MACROD2: variants seen among roughly 807,000 people sequenced by gnomAD.
MACROD2 encodes mono-ADP ribosylhydrolase 2, also known as ADP-ribose glycohydrolase MACROD2.
MACROD2 carries 36 observed loss-of-function variants against 70.4 expected under a neutral mutation model. The ratio of observed to expected loss-of-function variants is 0.51; its 90% CI spans 0.39 to 0.68. The LOEUF is 0.68. MACROD2 is among the 30% of genes least tolerant of loss of function. The pLI, the probability that MACROD2 is intolerant of heterozygous loss-of-function variation, is 0.00. For missense variants in MACROD2, 496 were observed against 538.4 expected (o/e 0.92, Z 0.78); for synonymous variants, 172 against 178.8 (o/e 0.96, Z 0.30).
intron 4 of MACROD2, among the ~76,000 whole-genome samples, chr20:14,619,337 AAGAG>A (rs1346774639): frequency 1.4e-5 from 2 of 147,436 alleles, no homozygotes; most frequent in Non-Finnish European, 3.0e-5. Context: ...AGAAGAAAGA[AAGAG>A]AGAGGAAGAA....
chr20:15,978,621 T>C (rs2066349106), intron 13 of MACROD2, among the ~76,000 whole-genome samples: 1 of 151,118 alleles, frequency 6.6e-6, no homozygotes, highest in Admixed American at 6.6e-5. Context: ...TCTCTCGTTC[T>C]TTCTCTCAGC....
At chr20:15,713,731 A>T (rs981037112) in intron 8 of MACROD2, among the ~76,000 whole-genome samples, 9 of 152,104 alleles carry the variant, frequency 5.9e-5, no homozygotes, top group Non-Finnish European at 7.4e-5. Context: ...TTGGGTGGGG[A>T]CACAGAGCCA....
At chr20:15,865,882 G>A (rs1466994639) in intron 9 of MACROD2, among the ~76,000 whole-genome samples, 2 of 152,118 alleles carry the variant, frequency 1.3e-5, no homozygotes, top group Non-Finnish European at 2.9e-5. Flanking sequence ...TTTCCCATGG[G>A]GGTTGTGGAT....
chr20:15,993,925 A>G (rs2066593715), intron 15 of MACROD2, among the ~76,000 whole-genome samples: 1 of 152,174 alleles, frequency 6.6e-6, no homozygotes, highest in South Asian at 2.1e-4. Flanking sequence ...ATACACCCTC[A>G]TAGAACCAGA....
intron 8 of MACROD2, among the ~76,000 whole-genome samples, chr20:15,799,277 A>G (rs1243656002): frequency 6.6e-6 from 1 of 152,220 alleles, no homozygotes; most frequent in Non-Finnish European, 1.5e-5. Context: ...TCAAGCGTTT[A>G]TCATTTATTT....
At chr20:15,549,730 A>G (rs2048070680) in intron 8 of MACROD2, among the ~76,000 whole-genome samples, 1 of 152,164 alleles carries the variant, frequency 6.6e-6, no homozygotes. Context: ...TAATCGAAGC[A>G]GCTTCCTCTT....
chr20:15,422,964 C>T (rs964983471), intron 6 of MACROD2, among the ~76,000 whole-genome samples: 6 of 152,132 alleles, frequency 3.9e-5, no homozygotes, highest in Non-Finnish European at 5.9e-5. Context: ...ATTTACATTC[C>T]ATCTTCTGGT....
At chr20:14,593,068 AG>A (rs942268303) in intron 4 of MACROD2, among the ~76,000 whole-genome samples, 21 of 152,238 alleles carry the variant, frequency 1.4e-4, no homozygotes, top group African/African-American at 4.8e-4. Context: ...GGTAAAATGT[AG>A]GTACATCTTG....
chr20:14,132,923 G>A (rs1388831465), intron 3 of MACROD2, among the ~76,000 whole-genome samples: 1 of 152,194 alleles, frequency 6.6e-6, no homozygotes, highest in African/African-American at 2.4e-5. Context: ...TTATAGGCAT[G>A]AGCCACTGCA....
chr20:14,693,023 A>G (rs547327088), intron 5 of MACROD2, among the ~76,000 whole-genome samples: 4 of 152,348 alleles, frequency 2.6e-5, no homozygotes, highest in Non-Finnish European at 4.4e-5. Flanking sequence ...ATTATTTGCC[A>G]TCATAGCAAG....
intron 5 of MACROD2, among the ~76,000 whole-genome samples, chr20:14,885,994 T>C (rs937969154): frequency 6.6e-6 from 1 of 152,214 alleles, no homozygotes; most frequent in Non-Finnish European, 1.5e-5. Flanking sequence ...ATGGGATTTA[T>C]CCTTCTCATG....
At chr20:15,396,304 C>G (rs537024414) in intron 6 of MACROD2, among the ~76,000 whole-genome samples, 2 of 152,314 alleles carry the variant, frequency 1.3e-5, no homozygotes, top group African/African-American at 4.8e-5. Flanking sequence ...TCCCTAGTAG[C>G]TCTATGAGTC....
chr20:14,576,507 G>A (rs1980609783), intron 4 of MACROD2, among the ~76,000 whole-genome samples: 1 of 152,166 alleles, frequency 6.6e-6, no homozygotes, highest in Middle Eastern at 3.2e-3. Context: ...CTTCAGAACT[G>A]CTAATGGCAA....
chr20:15,575,337 G>A (rs1300879306), intron 8 of MACROD2, among the ~76,000 whole-genome samples: 3 of 152,140 alleles, frequency 2.0e-5, no homozygotes, highest in Non-Finnish European at 2.9e-5. Context: ...AAAGTTAAAA[G>A]TTGTGGGTGA....
At chr20:14,677,437 AT>A (rs2070875573) in intron 4 of MACROD2, among the ~76,000 whole-genome samples, 2 of 152,234 alleles carry the variant, frequency 1.3e-5, no homozygotes, top group Non-Finnish European at 2.9e-5. Flanking sequence ...AGCCTAATTA[AT>A]AGGCTGAAGT....
intron 5 of MACROD2, among the ~76,000 whole-genome samples, chr20:14,811,340 G>T (rs2072708206): frequency 6.6e-6 from 1 of 152,068 alleles, no homozygotes; most frequent in Non-Finnish European, 1.5e-5. Context: ...AATGGGGAAA[G>T]GATTCCCTAT....
chr20:14,230,438 G>T (rs1485016994), intron 3 of MACROD2, among the ~76,000 whole-genome samples: 1 of 151,542 alleles, frequency 6.6e-6, no homozygotes, highest in African/African-American at 2.4e-5. Flanking sequence ...TCATCCTTAA[G>T]AAGTAACTCC....
intron 4 of MACROD2, among the ~76,000 whole-genome samples, chr20:14,515,475 A>ACGCGCGCGCG (rs1568648917): frequency 9.9e-6 from 1 of 100,564 alleles, no homozygotes; most frequent in African/African-American, 4.5e-5. Context: ...GCACACACAC[A>ACGCGCGCGCG]CACACACACA....
chr20:14,971,014 A>G lies in MACROD2; in HGVS notation c.419-258926A>G, dbSNP rs575214467. ...CTGAATACAGGCATCCCTTTGTATC[A>G]GTGAGGGATTGCTTCCAGGATGCTC... is the stretch of plus-strand genomic sequence containing the variant. On this transcript the variant is annotated intron_variant, in intron 5 of 17. Transcript: ENST00000684519. Among the ~76,000 whole-genome samples, 3 of 152,310 alleles carry G rather than the reference A, an allele frequency of 2.0e-5. No homozygotes were observed. The South Asian group carries it at 6.2e-4, about 32-fold the overall frequency.
Sources: gnomAD v4.1 joint callset for allele counts (sites outside exome capture counted in the v4.1 genomes callset) on GRCh38, gnomAD v4.1.1 for gene constraint, MANE v1.5 for transcripts, NCBI Gene and HGNC (gene_info 2026-07-23, HGNC 2026-07-21) for gene names.